TFEC: variants seen among roughly 807,000 people sequenced by gnomAD.
The protein encoded by TFEC is transcription factor EC, also known as class E basic helix-loop-helix protein 34.
In TFEC, 31 loss-of-function variants were observed where a neutral mutation model predicts 41.6. The observed-to-expected ratio is 0.74, with a 90% confidence interval of 0.56 to 1.01. The LOEUF (loss-of-function observed/expected upper bound fraction) is 1.01. TFEC is among the 50% of genes least tolerant of loss of function. The pLI is 0.00. For synonymous variants in TFEC, 143 were observed against 140.6 expected (o/e 1.02, Z -0.12); for missense variants, 402 against 404.1 (o/e 0.99, Z 0.04).
chr7:116,075,019 A>T (rs1796923338), intron 3 of TFEC, among the ~76,000 whole-genome samples: 1 of 152,162 alleles, frequency 6.6e-6, no homozygotes. Context: ...AGACACTACT[A>T]ACAAAAGAGT....
chr7:115,956,483 A>G (rs912545393), intron 4 of TFEC, among the ~76,000 whole-genome samples, 196 bp downstream of exon 4: 8 of 151,946 alleles, frequency 5.3e-5, no homozygotes, highest in African/African-American at 1.9e-4. Context: ...AAAATAATGA[A>G]TCAATTCAGT....
rs1220251845 is a variant in TFEC at position 115,939,103 on chromosome 7, C to T, written c.*1448G>A. On this transcript the variant is annotated 3_prime_UTR_variant, in exon 8 of 8. Coordinates refer to ENST00000265440, the MANE Select transcript of TFEC (RefSeq NM_012252.4). ...CATTTTCTCTGACCTTCTGTATTTA[C>T]AGTTTATGCTTAGATTTTTTATTCT... The T allele has an allele frequency of 6.6e-6, 1 of 151,950 alleles. No individual in the cohort carries two copies. Among genetic ancestry groups the T allele is most frequent in the Admixed American group, 6.6e-5 (1 of 15,228 alleles). 9.4% of individuals were successfully genotyped at this position (151,950 alleles called of 1,614,324 possible). A position where few individuals can be genotyped will look rare whatever the true frequency, so the allele number is the denominator to read the frequency against.
chr7:116,024,292 G>A (rs1488758107), intron 1 of TFEC, among the ~76,000 whole-genome samples: 3 of 152,026 alleles, frequency 2.0e-5, no homozygotes, highest in Non-Finnish European at 4.4e-5. Flanking sequence ...TCTCTCCTAT[G>A]GAGAGGCGAG....
intron 1 of TFEC, among the ~76,000 whole-genome samples, chr7:116,004,301 A>C (rs896431550): frequency 1.3e-5 from 2 of 152,208 alleles, no homozygotes; most frequent in Non-Finnish European, 1.5e-5. Flanking sequence ...ATAAATATCT[A>C]TACAGATCCT....
At chr7:116,129,586 C>CTTTTT (rs932837265) in intron 1 of TFEC, among the ~76,000 whole-genome samples, 48 of 106,890 alleles carry the variant, frequency 4.5e-4, no homozygotes, top group African/African-American at 1.0e-3. Flanking sequence ...AATATTCTTA[C>CTTTTT]TTTTTTTTTT....
rs570084725 is a variant in TFEC at position 116,054,979 on chromosome 7, A to G, written c.198+55729T>C. On this transcript the variant is annotated intron_variant, in intron 3 of 8. Coordinates refer to the TFEC transcript ENST00000484212. ...ATCTTATAATAATATATTCACATGA[A>G]AATATGAATGCATATGGCATTTTGT... is the stretch of plus-strand genomic sequence containing the variant. Among the ~76,000 whole-genome samples, 16 of 152,280 alleles carry G rather than the reference A, an allele frequency of 1.1e-4. No homozygotes were observed. In the South Asian group the frequency reaches 1.2e-3, roughly 12 times the overall value.
intron 3 of TFEC, among the ~76,000 whole-genome samples, chr7:116,102,505 G>T (rs1018712934): frequency 6.6e-6 from 1 of 152,166 alleles, no homozygotes; most frequent in African/African-American, 2.4e-5. Context: ...GACAAATAAT[G>T]ATGACCTTGA....
chr7:115,997,594 C>T (rs912603114), intron 1 of TFEC, among the ~76,000 whole-genome samples: 1 of 151,736 alleles, frequency 6.6e-6, no homozygotes, highest in Non-Finnish European at 1.5e-5. Flanking sequence ...TATGACCTCA[C>T]CAAATAAACT....
At chr7:115,995,784 T>C (rs906648818) in intron 1 of TFEC, among the ~76,000 whole-genome samples, 1 of 151,862 alleles carries the variant, frequency 6.6e-6, no homozygotes, top group Middle Eastern at 3.4e-3. Context: ...GGAGAAAGAG[T>C]GCAGCGACTG....
intron 3 of TFEC, among the ~76,000 whole-genome samples, chr7:116,042,180 GCAATCC>G (rs1796053442): frequency 6.6e-6 from 1 of 152,080 alleles, no homozygotes; most frequent in South Asian, 2.1e-4. Context: ...TGAGATAAAT[GCAATCC>G]CACAGTTACC....
rs1792258171 is a variant in TFEC, at chr7:115,956,781, T to C, written c.280A>G (p.Ile94Val). The C allele has an allele frequency of 3.2e-6, 5 of 1,571,408 alleles. No homozygotes were observed. The highest frequency in any genetic ancestry group is 4.3e-6 in the Non-Finnish European group (5 of 1,158,998). The change falls in exon 4 of 8, where the codon ATT (isoleucine) becomes GTT (valine). Residue 94 changes from isoleucine to valine, a missense_variant. Transcript: ENST00000265440. ...TGTTCACCGCTATACACATCCAAAA[T>C]ACTTCCAGATAACTTGAGAGGAAAA... ...LLMQRTLSGS[I>V]LDVYSGEQGI...
chr7:116,152,335 A>T (rs987822960), intron 1 of TFEC, among the ~76,000 whole-genome samples: 1 of 152,262 alleles, frequency 6.6e-6, no homozygotes, highest in Non-Finnish European at 1.5e-5. Flanking sequence ...AACAGAGTCC[A>T]GTGTTCTTTT....
Position 115,956,764 on chromosome 7 carries a change from G to A in TFEC, c.297C>T (p.Ser99=), listed in dbSNP as rs149723352. 66 of 1,595,492 alleles carry A rather than the reference G, an allele frequency of 4.1e-5. No individual in the cohort carries two copies. The Admixed American group carries it at 4.3e-4, about 10-fold the overall frequency. The part of the protein sequence containing the change: ...TLSGSILDVY[S]GEQGISPINM... ...TAATTGGTGAAATTCCTTGTTCACCGCTATACACATCCAAAATACTTCCAG... is the reference window on the plus strand; with the variant it reads ...TAATTGGTGAAATTCCTTGTTCACCACTATACACATCCAAAATACTTCCAG... Residue 99 remains serine (S), a synonymous_variant, in exon 4 of 8, where the codon AGC becomes AGT. Coordinates refer to ENST00000265440, the MANE Select transcript of TFEC (RefSeq NM_012252.4).
At chr7:116,159,835 C>A (rs1798939627) in exon 1 of TFEC, 1 of 152,098 alleles carries the variant, frequency 6.6e-6, no homozygotes, top group South Asian at 2.1e-4. Context: ...TCAATCTCTC[C>A]ATTTGTTTTG....
chr7:116,113,092 T>A (rs1230896215), intron 1 of TFEC, among the ~76,000 whole-genome samples: 2 of 152,002 alleles, frequency 1.3e-5, no homozygotes, highest in Non-Finnish European at 2.9e-5. Context: ...GTTCATATTC[T>A]GAATGTGTGC....
intron 1 of TFEC, among the ~76,000 whole-genome samples, chr7:116,136,078 C>T (rs1196897218): frequency 6.6e-6 from 1 of 151,896 alleles, no homozygotes; most frequent in Non-Finnish European, 1.5e-5. Flanking sequence ...TACACCAATC[C>T]TTTCTATATG....
At chr7:116,100,049 A>G (rs1797569294) in intron 3 of TFEC, among the ~76,000 whole-genome samples, 1 of 152,198 alleles carries the variant, frequency 6.6e-6, no homozygotes, top group Admixed American at 6.5e-5. Context: ...TAATTTGTAT[A>G]TTGTATTTTT....
chr7:115,943,235 A>T (rs1009745931), intron 6 of TFEC, among the ~76,000 whole-genome samples: 1 of 151,752 alleles, frequency 6.6e-6, no homozygotes, highest in Non-Finnish European at 1.5e-5. Flanking sequence ...GGGTGAGGGG[A>T]ATGAGTGGGA....
chr7:116,021,186 T>C (rs542924250), intron 1 of TFEC, among the ~76,000 whole-genome samples: 3 of 152,322 alleles, frequency 2.0e-5, no homozygotes, highest in African/African-American at 7.2e-5. Flanking sequence ...CAAATTCTCT[T>C]TCCTCTCATA....
Sources: gnomAD v4.1 joint callset for allele counts (sites outside exome capture counted in the v4.1 genomes callset) on GRCh38, gnomAD v4.1.1 for gene constraint, MANE v1.5 for transcripts, NCBI Gene and HGNC (gene_info 2026-07-23, HGNC 2026-07-21) for gene names.